Variants in WDPCP observed in about 807,000 individuals in gnomAD.
WDPCP encodes the protein WD repeat containing planar cell polarity effector.
A neutral mutation model predicts 93.1 loss-of-function variants in WDPCP; 71 were observed. The ratio of observed to expected loss-of-function variants is 0.76; its 90% CI spans 0.63 to 0.93. WDPCP has a LOEUF of 0.93. Ranked by LOEUF, WDPCP falls within the 40% of genes least tolerant of loss-of-function variation. WDPCP has a pLI of 0.00. For synonymous variants in WDPCP, 315 were observed against 315.0 expected (o/e 1.00, Z 0.00); for missense variants, 844 against 887.4 (o/e 0.95, Z 0.62).
chr2:63,803,836 C>T (rs1670727199), intron 2 of WDPCP, among the ~76,000 whole-genome samples: 1 of 152,154 alleles, frequency 6.6e-6, no homozygotes, highest in South Asian at 2.1e-4. Context: ...ATTTAAGTTA[C>T]AGAACATGAA....
At chr2:63,319,309 G>A (rs1686909588) in intron 12 of WDPCP, among the ~76,000 whole-genome samples, 1 of 152,074 alleles carries the variant, frequency 6.6e-6, no homozygotes, top group Non-Finnish European at 1.5e-5. Context: ...AAAGGAAAGG[G>A]CCTAGTTTCA....
intron 13 of WDPCP, among the ~76,000 whole-genome samples, chr2:63,302,299 T>A (rs188265708): frequency 6.6e-6 from 1 of 152,228 alleles, no homozygotes; most frequent in African/African-American, 2.4e-5. Context: ...AGATGAGCAA[T>A]ATGTCTCCTA....
At chr2:63,593,617 T>C (rs909271009), upstream of WDPCP, 17 of 471,734 alleles carry the variant, frequency 3.6e-5, no homozygotes, top group East Asian at 2.8e-4. Context: ...AGTGGACCAT[T>C]TCTCCATGCA....
At chr2:63,743,760 G>A (rs1669757623) in intron 2 of WDPCP, among the ~76,000 whole-genome samples, 1 of 152,066 alleles carries the variant, frequency 6.6e-6, no homozygotes, top group South Asian at 2.1e-4. Context: ...AATACCATGA[G>A]CTGCTTAAAA....
In WDPCP at chr2:63,738,310, T is replaced by G. The variant is rs1195699284; in HGVS notation, n.308+75312A>C. Among the ~76,000 whole-genome samples the G allele has an allele frequency of 3.3e-5, 5 of 152,224 alleles. No homozygotes were observed. In the East Asian group the frequency reaches 7.7e-4, roughly 23 times the overall value. Reference sequence around the variant, plus strand: ...ATAATATTATCCACTTTATTTCACTTGTAATACGTGGTTTATCTATGGCCT... The same window carrying G: ...ATAATATTATCCACTTTATTTCACTGGTAATACGTGGTTTATCTATGGCCT... On this transcript the variant is annotated intron_variant and non_coding_transcript_variant, in intron 2 of 4. Transcript: ENST00000467687.
intron 13 of WDPCP, among the ~76,000 whole-genome samples, chr2:63,267,825 A>G (rs113307749): frequency 5.5e-4 from 84 of 152,292 alleles, no homozygotes; most frequent in African/African-American, 1.9e-3. Flanking sequence ...GAAAAAAAGA[A>G]CAAGTGTTGG....
intron 2 of WDPCP, among the ~76,000 whole-genome samples, chr2:63,703,741 C>G (rs976678954): frequency 6.6e-6 from 1 of 152,086 alleles, no homozygotes; most frequent in African/African-American, 2.4e-5. Context: ...CATGATGCCT[C>G]CAGCTTTGTT....
At chr2:63,681,085 G>T (rs567902334) in intron 2 of WDPCP, among the ~76,000 whole-genome samples, 1 of 152,098 alleles carries the variant, frequency 6.6e-6, no homozygotes, top group East Asian at 1.9e-4. Context: ...GAGATGTACC[G>T]GCTTCAGGTG....
At chr2:63,231,274 CAG>C (rs1205852072) in intron 14 of WDPCP, among the ~76,000 whole-genome samples, 1 of 152,130 alleles carries the variant, frequency 6.6e-6, no homozygotes, top group East Asian at 1.9e-4. Flanking sequence ...TCGCACAAGA[CAG>C]GGATGCCCTC....
At chr2:63,260,382 T>A (rs1056937469) in intron 13 of WDPCP, among the ~76,000 whole-genome samples, 6 of 152,172 alleles carry the variant, frequency 3.9e-5, no homozygotes, top group African/African-American at 1.4e-4. Flanking sequence ...GAAATAAATA[T>A]AAATGGCTTA....
intron 2 of WDPCP, among the ~76,000 whole-genome samples, chr2:63,728,280 A>G (rs1283317358): frequency 6.6e-6 from 1 of 152,236 alleles, no homozygotes; most frequent in Non-Finnish European, 1.5e-5. Flanking sequence ...GTCTTTCAGA[A>G]ACTGGACCCA....
chr2:63,239,014 A>G (rs1431261258), intron 14 of WDPCP, among the ~76,000 whole-genome samples: 1 of 152,178 alleles, frequency 6.6e-6, no homozygotes, highest in Non-Finnish European at 1.5e-5. Flanking sequence ...AGAGATGCAC[A>G]TAATTGGCAC....
chr2:63,625,414 T>C (rs1049460714), intron 3 of WDPCP, among the ~76,000 whole-genome samples: 4 of 152,242 alleles, frequency 2.6e-5, no homozygotes, highest in African/African-American at 9.6e-5. Context: ...AACATCATTG[T>C]ATATTTAGAA....
Position 63,806,801 on chromosome 2 carries a change from G to A in WDPCP, n.308+6821C>T, listed in dbSNP as rs952774555. Among the ~76,000 whole-genome samples the A allele has an allele frequency of 6.6e-5, 10 of 152,262 alleles. No homozygotes were observed. The South Asian group carries it at 1.7e-3, about 25-fold the overall frequency. ...AGAGAAATATGGCTCTGTTCCGCCC[G>A]GCTCACTGGTGGTCAGAGTTTAAGG... On this transcript the variant is annotated intron_variant and non_coding_transcript_variant, in intron 2 of 4. Transcript: ENST00000467687.
Position 63,575,506 on chromosome 2 carries a change from C to T in WDPCP, c.75+12691G>A, listed in dbSNP as rs13017034. Among the ~76,000 whole-genome samples the T allele has an allele frequency of 6.2e-3, 486 of 78,892 alleles. 22 individuals are homozygous for T. The highest frequency in any genetic ancestry group is 7.7e-3 in the East Asian group (11 of 1,420). 51.8% of individuals were successfully genotyped at this position (78,892 alleles called of 152,430 possible). On this transcript the variant is annotated intron_variant, in intron 1 of 17. Transcript: ENST00000272321. Reference sequence around the variant, plus strand: ...GTATATATAGTATATACAGTATATACACTGTATATATAGTATATACAGTAT... The same window carrying T: ...GTATATATAGTATATACAGTATATATACTGTATATATAGTATATACAGTAT...
At chr2:63,351,696 T>C (rs957027451) in intron 12 of WDPCP, among the ~76,000 whole-genome samples, 1 of 152,194 alleles carries the variant, frequency 6.6e-6, no homozygotes, top group Admixed American at 6.5e-5. Context: ...GTGGATTCCA[T>C]GTCATTGCTG....
chr2:63,765,279 G>A (rs1250781885), intron 2 of WDPCP, among the ~76,000 whole-genome samples: 1 of 152,200 alleles, frequency 6.6e-6, no homozygotes, highest in African/African-American at 2.4e-5. Context: ...TAAAGGGTAG[G>A]GAAGGCAAGA....
intron 13 of WDPCP, among the ~76,000 whole-genome samples, chr2:63,305,434 C>A (rs904201765): frequency 2.6e-5 from 4 of 152,136 alleles, no homozygotes; most frequent in Admixed American, 1.3e-4. Context: ...GATACCCAGG[C>A]AAACTCCAGC....
intron 6 of WDPCP, among the ~76,000 whole-genome samples, chr2:63,462,455 A>G (rs941634608): frequency 1.3e-5 from 2 of 152,216 alleles, no homozygotes; most frequent in African/African-American, 4.8e-5. Flanking sequence ...CATATGCAAC[A>G]AACCTGCACG....
Sources: allele counts gnomAD v4.1 joint callset (sites outside exome capture counted in the v4.1 genomes callset), GRCh38; gene constraint gnomAD v4.1.1; transcripts MANE v1.5; gene names NCBI Gene and HGNC (gene_info 2026-07-23, HGNC 2026-07-21).